CRB2: variants seen among roughly 807,000 people sequenced by gnomAD.
The protein encoded by CRB2 is protein crumbs homolog 2.
A neutral mutation model predicts 110.9 loss-of-function variants in CRB2; 85 were observed. The ratio of observed to expected loss-of-function variants is 0.77; its 90% CI spans 0.64 to 0.92. CRB2 has a LOEUF of 0.92. Ranked by LOEUF, CRB2 falls within the 40% of genes least tolerant of loss-of-function variation. The pLI, the probability that CRB2 is intolerant of heterozygous loss-of-function variation, is 0.00. For missense variants in CRB2, 1,843 were observed against 1,851.3 expected (o/e 1.00, Z 0.08); for synonymous variants, 907 against 831.0 (o/e 1.09, Z -1.57).
At chr9:123,374,054 A>G (rs1169883925) in intron 10 of CRB2, 134 bp downstream of exon 10, 2 of 1,143,132 alleles carry the variant, frequency 1.7e-6, no homozygotes, top group Admixed American at 2.0e-5. Context: ...CATGAGGAGG[A>G]CAGTTTAATT....
chr9:123,373,748 G>A lies in CRB2; in HGVS notation c.3217G>A (p.Asp1073Asn). ...SPCLHDGACRDLFDAFACACG... is the reference protein window; with the variant it reads ...SPCLHDGACRNLFDAFACACG... ...CTGTCTGCACGACGGTGCCTGCCGT[G>A]ACCTCTTCGACGCCTTTGCCTGCGC... Residue 1073 changes from aspartate (D) to asparagine (N), a missense_variant, in exon 10 of 13, where the codon GAC becomes AAC. By Grantham distance (23) the Asp-to-Asn change is conservative. Coordinates refer to ENST00000373631, the MANE Select transcript of CRB2 (RefSeq NM_173689.7). The A allele has an allele frequency of 6.3e-7, 1 of 1,588,638 alleles. No homozygotes were observed. Among genetic ancestry groups the A allele is most frequent in the Non-Finnish European group, 8.5e-7 (1 of 1,175,936 alleles).
intron 1 of CRB2, among the ~76,000 whole-genome samples, chr9:123,357,281 T>C (rs1302945676): frequency 6.6e-6 from 1 of 151,974 alleles, no homozygotes; most frequent in East Asian, 1.9e-4. Flanking sequence ...TGTTAGTTAC[T>C]ATAGTTACAG....
intron 1 of CRB2, among the ~76,000 whole-genome samples, chr9:123,359,732 G>A (rs1011457573): frequency 2.0e-5 from 3 of 152,124 alleles, no homozygotes; most frequent in African/African-American, 7.2e-5. Context: ...TTACAGGTGT[G>A]AGCCACTGCA....
rs771159644 is a variant in CRB2 at position 123,373,940 on chromosome 9, G to C, written c.3389+20G>C. ...CTGCAGGTGGGATGGCTGGGCAGGGGGGTGGGCTGCGAATGCCCCCTGGGG... is the reference window on the plus strand; with the variant it reads ...CTGCAGGTGGGATGGCTGGGCAGGGCGGTGGGCTGCGAATGCCCCCTGGGG... On this transcript the variant is annotated intron_variant, in intron 10 of 12. Transcript: ENST00000373631. 6.5e-7 allele frequency: 1 copy of C among 1,550,108 alleles called. No homozygotes were observed. The highest frequency in any genetic ancestry group is 1.2e-5 in the South Asian group (1 of 84,092).
In CRB2 at chr9:123,360,992, C is replaced by A. The variant is rs755359478; in HGVS notation, c.95-1873C>A. On this transcript the variant is annotated intron_variant, in intron 1 of 12. Coordinates refer to ENST00000373631, the MANE Select transcript of CRB2 (RefSeq NM_173689.7). Reference sequence around the variant, plus strand: ...GTCTCCCGGGCTCTGTCATTTAGAGCCCATCTGCTCCCATGGTCCTGGGAA... The same window carrying A: ...GTCTCCCGGGCTCTGTCATTTAGAGACCATCTGCTCCCATGGTCCTGGGAA... 3.3e-5 allele frequency among the ~76,000 whole-genome samples: 5 copies of A among 152,140 alleles called. 1 individual carries two copies. The South Asian group carries it at 8.3e-4, about 25-fold the overall frequency.
intron 1 of CRB2, 57 bp from the exon 2 acceptor site, chr9:123,362,808 G>A: frequency 6.7e-7 from 1 of 1,497,846 alleles, no homozygotes; most frequent in South Asian, 1.3e-5. Context: ...AGGGTGGGGA[G>A]GAGATTGTCC....
chr9:123,362,836 C>G (rs1050617895), intron 1 of CRB2, 29 bp from the exon 2 acceptor site: 6 of 1,545,804 alleles, frequency 3.9e-6, no homozygotes, highest in Middle Eastern at 1.8e-4. Context: ...CTCTGCCCAC[C>G]CTGCCCAGCC....
rs730880377 is a variant in CRB2, at chr9:123,370,950, C to G, written c.1897C>G (p.Arg633Gly). The change falls in exon 7 of 13, where the codon CGG becomes GGG. Residue 633 changes from arginine (R) to glycine (G), a missense_variant. Transcript: ENST00000373631. ...GACTCATTTCCGTTGCGACTGTGCC[C>G]GGCCCCATAGAGGTCCCACGTGCGC... ...LWTHFRCDCA[R>G]PHRGPTCADE... The G allele has an allele frequency of 4.3e-6, 7 of 1,609,826 alleles. No individual in the cohort carries two copies. Among genetic ancestry groups the G allele is most frequent in the Non-Finnish European group, 5.9e-6 (7 of 1,177,366 alleles).
upstream of CRB2, chr9:123,356,123 C>T (rs1311248146): frequency 1.3e-5 from 5 of 372,974 alleles, no homozygotes; most frequent in African/African-American, 1.5e-4. Context: ...GAGGAGGAGG[C>T]GGTGGCGGGG....
chr9:123,371,606 TG>T, intron 8 of CRB2, 28 bp downstream of exon 8: 2 of 1,608,484 alleles, frequency 1.2e-6, no homozygotes. Flanking sequence ...GTGGTGGTGG[TG>T]GGGTGGGGAG....
chr9:123,356,320 G>T lies in CRB2; in HGVS notation c.60G>T (p.Leu20=). 1 of 1,547,796 alleles carries T rather than the reference G, an allele frequency of 6.5e-7. No homozygotes were observed. Residue 20 remains leucine (L), a synonymous_variant, in exon 1 of 13, where the codon CTG becomes CTT. Transcript: ENST00000373631. ...DPQALASVLL[L]LLWAPALSLL... Reference sequence around the variant, plus strand: ...AGGCCCTGGCCTCTGTCCTGCTACTGCTGCTCTGGGCCCCTGCCCTTTCCC... The same window carrying T: ...AGGCCCTGGCCTCTGTCCTGCTACTTCTGCTCTGGGCCCCTGCCCTTTCCC...
intron 1 of CRB2, among the ~76,000 whole-genome samples, chr9:123,356,883 C>T (rs781609558): frequency 7.2e-5 from 11 of 152,004 alleles, no homozygotes; most frequent in Admixed American, 2.6e-4. Context: ...GAGCTGTGTC[C>T]TAGCACACGC....
intron 12 of CRB2, 123 bp downstream of exon 12, chr9:123,375,466 A>G: frequency 8.3e-7 from 1 of 1,198,018 alleles, no homozygotes; most frequent in African/African-American, 1.6e-5. Flanking sequence ...GGGGTGGGGC[A>G]GTGAGAGGAG....
rs1365569889 is a variant in CRB2 at position 123,372,220 on chromosome 9, A to T, written c.2480A>T (p.Asn827Ile). The T allele has an allele frequency of 6.2e-7, 1 of 1,614,110 alleles. No homozygotes were observed. Among genetic ancestry groups the T allele is most frequent in the South Asian group, 1.1e-5 (1 of 91,082 alleles). The part of the protein sequence containing the change: ...FNGGTCLVTW[N>I]DFHCTCPANF... The stretch of plus-strand genomic sequence containing the variant: ...GGTGGGACTTGCCTCGTCACCTGGA[A>T]TGACTTCCACTGTACCTGCCCTGCC... Residue 827 changes from asparagine to isoleucine, a missense_variant, in exon 9 of 13, where the codon AAT becomes ATT. Transcript: ENST00000373631.
rs2042050281 is a variant in CRB2 at position 123,373,480 on chromosome 9, G to A, written c.2949G>A (p.Pro983=). Residue 983 remains proline (P), a synonymous_variant, in exon 10 of 13, where the codon CCG becomes CCA. Coordinates refer to ENST00000373631, the MANE Select transcript of CRB2 (RefSeq NM_173689.7). The part of the protein sequence containing the change: ...WLLWLDGAAT[P]VALRGLASDL... ...TGTGGCTGGATGGTGCCGCCACCCC[G>A]GTGGCGCTGCGCGGCCTGGCCAGTG... The A allele has an allele frequency of 6.9e-7, 1 of 1,449,238 alleles. No homozygotes were observed. Among genetic ancestry groups the A allele is most frequent in the African/African-American group, 1.5e-5 (1 of 67,424 alleles). The allele number at this position is 1,449,238 out of a possible 1,614,324, so 89.8% of individuals were successfully genotyped here.
At position 123,366,776 on chromosome 9, in the gene CRB2, C is replaced by T. The variant is rs916898063; in HGVS notation, c.755-396C>T. Among the ~76,000 whole-genome samples the T allele has an allele frequency of 2.0e-5, 3 of 152,090 alleles. No homozygotes were observed. The South Asian group carries it at 6.2e-4, about 32-fold the overall frequency. On this transcript the variant is annotated intron_variant, in intron 4 of 12. Transcript: ENST00000373631. ...GACCAGCCTGGCCAACATTGTGAAA[C>T]CCCATCTCTACTAAAAATACAAAAA...
chr9:123,375,145 G>T, intron 11 of CRB2, 72 bp from the exon 12 acceptor site: 1 of 1,596,568 alleles, frequency 6.3e-7, no homozygotes, highest in Non-Finnish European at 8.5e-7. Flanking sequence ...GTGGGGATGG[G>T]CAGCAGAGCA....
chr9:123,373,957 C>T (rs1430711096), intron 10 of CRB2, 37 bp downstream of exon 10: 2 of 1,549,974 alleles, frequency 1.3e-6, no homozygotes, highest in Non-Finnish European at 1.7e-6. Context: ...CTGCGAATGC[C>T]CCCTGGGGCT....
intron 9 of CRB2, 85 bp from the exon 10 acceptor site, chr9:123,373,049 T>G (rs1368466992): frequency 1.7e-6 from 2 of 1,203,974 alleles, no homozygotes; most frequent in Non-Finnish European, 2.2e-6. Context: ...TAAGTGGCTG[T>G]CTGCCACTCG....
Sources: gnomAD v4.1 joint callset for allele counts (sites outside exome capture counted in the v4.1 genomes callset) on GRCh38, gnomAD v4.1.1 for gene constraint, MANE v1.5 for transcripts, NCBI Gene and HGNC (gene_info 2026-07-23, HGNC 2026-07-21) for gene names.